CHST3: variants seen among roughly 807,000 people sequenced by gnomAD.
CHST3 encodes C6ST-1.
A neutral mutation model predicts 35.4 loss-of-function variants in CHST3; 20 were observed. That is an observed-to-expected ratio of 0.57 (90% confidence interval 0.40 to 0.82). CHST3 has a LOEUF of 0.82. Among genes scored for constraint, CHST3 ranks in the 40% least tolerant of loss-of-function variants. CHST3 has a pLI of 0.00. For synonymous variants in CHST3, 334 were observed against 295.9 expected, an observed-to-expected ratio of 1.13 and a Z score of -1.32; for missense variants, 693 against 670.1, an observed-to-expected ratio of 1.03 and a Z score of -0.38.
intron 1 of CHST3, among the ~76,000 whole-genome samples, chr10:71,977,553 G>C: frequency 6.6e-6 from 1 of 150,950 alleles, no homozygotes; most frequent in Non-Finnish European, 1.5e-5. Flanking sequence ...AACCTCAAGT[G>C]ATCCTCCCAC....
Position 72,007,973 on chromosome 10 carries a change from C to T in CHST3, c.942C>T (p.Phe314=), listed in dbSNP as rs1010927640. 25 of 1,549,300 alleles carry T rather than the reference C, an allele frequency of 1.6e-5. 1 individual carries two copies. In the Middle Eastern group the frequency reaches 6.9e-4, roughly 43 times the overall value. Residue 314 remains phenylalanine, a synonymous_variant, in exon 3 of 3, where the codon TTC becomes TTT. Coordinates refer to ENST00000373115, the MANE Select transcript of CHST3 (RefSeq NM_004273.5). ...TGCTGGCCTCGCGCATGGTGGCCTT[C>T]GCCGGCAAGTATAAGACCTGGAAGA... ...RAVLASRMVA[F]AGKYKTWKKW... is the part of the protein sequence containing the mutation.
chr10:72,006,075 A>G, intron 2 of CHST3, 93 bp downstream of exon 2: 1 of 1,505,262 alleles, frequency 6.6e-7, no homozygotes, highest in African/African-American at 1.4e-5. Context: ...GGACCTGCAA[A>G]TGCATTCCTT....
chr10:71,995,589 C>T (rs957248349), intron 1 of CHST3, among the ~76,000 whole-genome samples: 4 of 152,164 alleles, frequency 2.6e-5, no homozygotes, highest in Admixed American at 2.0e-4. Context: ...CTCTTTCTTT[C>T]ACTTGAACAC....
chr10:71,968,478 C>G (rs1309821444), intron 1 of CHST3, among the ~76,000 whole-genome samples: 2 of 152,140 alleles, frequency 1.3e-5, no homozygotes, highest in Non-Finnish European at 2.9e-5. Flanking sequence ...TGTGCAGAGG[C>G]TCTTTAGTTT....
At position 72,008,601 on chromosome 10, in the gene CHST3, AG is replaced by A; in HGVS notation, c.*131del. On this transcript the variant is annotated 3_prime_UTR_variant, in exon 3 of 3. Transcript: ENST00000373115. ...TCCTGTAGCAGTAGGGCCCCCAGCC[AG>A]CGCTCCAGCCAAAGCGGCGGCCCCA... 7.0e-7 allele frequency: 1 copy of A among 1,429,678 alleles called. No homozygotes were observed. The highest frequency in any genetic ancestry group is 9.1e-7 in the Non-Finnish European group (1 of 1,095,154). The allele number at this position is 1,429,678 out of a possible 1,614,324, so 88.6% of individuals were successfully genotyped here. A position where few individuals can be genotyped will look rare whatever the true frequency, so the allele number is the denominator to read the frequency against.
At chr10:71,975,633 G>C (rs1839737562) in intron 1 of CHST3, among the ~76,000 whole-genome samples, 1 of 152,244 alleles carries the variant, frequency 6.6e-6, no homozygotes, top group Non-Finnish European at 1.5e-5. Flanking sequence ...TCTGGAAGGA[G>C]CACGGGGGCT....
rs1339555467 is a variant in CHST3, at chr10:72,008,594, C to T, written c.*123C>T. On this transcript the variant is annotated 3_prime_UTR_variant, in exon 3 of 3. Coordinates refer to ENST00000373115, the MANE Select transcript of CHST3 (RefSeq NM_004273.5). ...CAGCGCCTCCTGTAGCAGTAGGGCCCCCAGCCAGCGCTCCAGCCAAAGCGG... is the reference window on the plus strand; with the variant it reads ...CAGCGCCTCCTGTAGCAGTAGGGCCTCCAGCCAGCGCTCCAGCCAAAGCGG... 1.6e-5 allele frequency: 23 copies of T among 1,431,104 alleles called. No homozygotes were observed. The highest frequency in any genetic ancestry group is 1.0e-5 in the Non-Finnish European group (11 of 1,096,220). 88.7% of individuals were successfully genotyped at this position (1,431,104 alleles called of 1,614,324 possible).
At chr10:71,987,006 T>C (rs1282390622) in intron 1 of CHST3, among the ~76,000 whole-genome samples, 2 of 152,174 alleles carry the variant, frequency 1.3e-5, no homozygotes, top group Non-Finnish European at 2.9e-5. Flanking sequence ...GTGGGAGAGC[T>C]GGGACCCACT....
intron 1 of CHST3, among the ~76,000 whole-genome samples, chr10:71,965,325 C>T (rs1205443649): frequency 1.3e-5 from 2 of 152,176 alleles, no homozygotes; most frequent in Non-Finnish European, 2.9e-5. Flanking sequence ...AACTCAGAGC[C>T]GGCGTGCCAG....
intron 1 of CHST3, among the ~76,000 whole-genome samples, chr10:71,992,403 C>T (rs1378168490): frequency 6.6e-6 from 1 of 152,108 alleles, no homozygotes; most frequent in South Asian, 2.1e-4. Context: ...GTCTCGAACT[C>T]CTGGGCTCAA....
At chr10:71,973,624 G>A (rs149891215) in intron 1 of CHST3, among the ~76,000 whole-genome samples, 21 of 152,296 alleles carry the variant, frequency 1.4e-4, no homozygotes, top group African/African-American at 2.4e-4. Flanking sequence ...CAGGTCCTGC[G>A]CGCCTATGCT....
chr10:71,994,562 T>G (rs1305917316), intron 1 of CHST3, among the ~76,000 whole-genome samples: 1 of 152,242 alleles, frequency 6.6e-6, no homozygotes, highest in African/African-American at 2.4e-5. Flanking sequence ...GCTTAATTGT[T>G]AAGGTCCCTA....
chr10:72,001,832 C>T (rs993535823), intron 1 of CHST3, among the ~76,000 whole-genome samples: 1 of 152,216 alleles, frequency 6.6e-6, no homozygotes. Flanking sequence ...AGAGATTTTT[C>T]GGTTCTACCC....
chr10:71,992,658 C>CT (rs57408244), intron 1 of CHST3, among the ~76,000 whole-genome samples: 2,487 of 111,364 alleles, frequency 0.022, 71 homozygotes, highest in African/African-American at 0.061. Flanking sequence ...ATGGAATATT[C>CT]TTTTTTTTTT....
chr10:71,993,229 A>G (rs1213835347), intron 1 of CHST3, among the ~76,000 whole-genome samples: 4 of 152,258 alleles, frequency 2.6e-5, no homozygotes, highest in Non-Finnish European at 5.9e-5. Flanking sequence ...TGTCATTCAC[A>G]GCATCTTCAC....
At chr10:71,984,514 T>G (rs948605024) in intron 1 of CHST3, among the ~76,000 whole-genome samples, 1 of 152,192 alleles carries the variant, frequency 6.6e-6, no homozygotes, top group Non-Finnish European at 1.5e-5. Flanking sequence ...AAAGATCAGT[T>G]CCTGACTAGG....
chr10:71,972,917 T>C (rs1257938547), intron 1 of CHST3, among the ~76,000 whole-genome samples: 1 of 152,212 alleles, frequency 6.6e-6, no homozygotes, highest in African/African-American at 2.4e-5. Flanking sequence ...TGTGGTATTA[T>C]GATTGCTGGT....
intron 1 of CHST3, among the ~76,000 whole-genome samples, chr10:71,980,753 A>G (rs922784679): frequency 6.6e-6 from 1 of 152,184 alleles, no homozygotes; most frequent in Non-Finnish European, 1.5e-5. Context: ...CTTGGCAAAG[A>G]CCATCAGGGG....
At chr10:71,986,980 C>T (rs531752639) in intron 1 of CHST3, among the ~76,000 whole-genome samples, 19 of 152,320 alleles carry the variant, frequency 1.2e-4, no homozygotes, top group Admixed American at 9.8e-4. Flanking sequence ...CCTCACCCAA[C>T]GTCAGCAGAG....
Sources: allele counts gnomAD v4.1 joint callset (sites outside exome capture counted in the v4.1 genomes callset), GRCh38; gene constraint gnomAD v4.1.1; transcripts MANE v1.5; gene names NCBI Gene and HGNC (gene_info 2026-07-23, HGNC 2026-07-21).